Variants in PCDHA8 observed in about 807,000 individuals in gnomAD.
PCDHA8 encodes the protein protocadherin alpha-8.
A neutral mutation model predicts 61.8 loss-of-function variants in PCDHA8; 53 were observed. The ratio of observed to expected loss-of-function variants is 0.86; its 90% CI spans 0.69 to 1.08. The LOEUF (loss-of-function observed/expected upper bound fraction) is 1.08, where lower values mean the gene tolerates loss of function less well. PCDHA8 is among the 50% of genes least tolerant of loss of function. The probability of loss-of-function intolerance (pLI) is 0.00; values close to 1 mark genes in which losing one functional copy is unlikely to be tolerated. For synonymous variants in PCDHA8, 618 were observed against 556.6 expected (o/e 1.11, Z -1.55); for missense variants, 1,293 against 1,245.0 (o/e 1.04, Z -0.58).
chr5:140,850,612 C>T (rs1411031639), intron 1 of PCDHA8: 8 of 1,598,454 alleles, frequency 5.0e-6, no homozygotes, highest in Non-Finnish European at 6.8e-6. Context: ...GCCATCTGCG[C>T]GGTGTCTAGC....
intron 1 of PCDHA8, chr5:140,884,343 C>T (rs368888498): frequency 1.2e-6 from 2 of 1,613,900 alleles, no homozygotes; most frequent in Non-Finnish European, 1.7e-6. Context: ...CCAGAAGCGG[C>T]GCTGGTGGAT....
intron 1 of PCDHA8, chr5:140,929,725 A>G (rs1415397730): frequency 9.2e-6 from 2 of 218,138 alleles, no homozygotes; most frequent in Admixed American, 1.2e-4. Flanking sequence ...TGAAACATTT[A>G]CTTAAACTAT....
At chr5:141,001,333 T>G (rs1554258097) in intron 3 of PCDHA8, among the ~76,000 whole-genome samples, 1 of 152,178 alleles carries the variant, frequency 6.6e-6, no homozygotes, top group African/African-American at 2.4e-5. Context: ...TCACCATAAT[T>G]TACATGATGT....
intron 1 of PCDHA8, chr5:140,877,750 T>C (rs782654875): frequency 6.2e-7 from 1 of 1,614,146 alleles, no homozygotes; most frequent in Non-Finnish European, 8.5e-7. Flanking sequence ...GAGGGTGTGC[T>C]CTGCAGAGAG....
chr5:140,877,144 G>C, intron 1 of PCDHA8: 2 of 1,613,772 alleles, frequency 1.2e-6, no homozygotes, highest in South Asian at 1.1e-5. Context: ...CGTGCTGGAC[G>C]AGAACGACAA....
chr5:140,971,787 A>G (rs1554233619), intron 1 of PCDHA8, among the ~76,000 whole-genome samples: 5 of 152,124 alleles, frequency 3.3e-5, no homozygotes, highest in Admixed American at 1.3e-4. Context: ...AGATTATTCA[A>G]TATATTGAAT....
intron 1 of PCDHA8, among the ~76,000 whole-genome samples, chr5:140,855,207 A>G (rs1554147686): frequency 6.7e-6 from 1 of 149,928 alleles, no homozygotes; most frequent in East Asian, 1.9e-4. Flanking sequence ...AATAGTTTCC[A>G]TTTATGAAGC....
intron 1 of PCDHA8, chr5:140,884,155 C>G: frequency 6.2e-7 from 1 of 1,613,430 alleles, no homozygotes; most frequent in Non-Finnish European, 8.5e-7. Context: ...TGTACACTGG[C>G]GAGATCAGCA....
At chr5:140,876,015 A>G (rs1479938988) in intron 1 of PCDHA8, 3 of 1,613,662 alleles carry the variant, frequency 1.9e-6, no homozygotes, top group Non-Finnish European at 2.5e-6. Flanking sequence ...TTGAGCTTAA[A>G]ATAAAAACAA....
chr5:140,945,998 A>G (rs246057), intron 1 of PCDHA8, among the ~76,000 whole-genome samples: 85,388 of 151,608 alleles, frequency 0.56, 24,621 homozygotes, highest in African/African-American at 0.69. Context: ...GATTGCATCA[A>G]ACTAAAAAGC....
At chr5:141,006,612 AAGG>A (rs2098279964) in intron 3 of PCDHA8, among the ~76,000 whole-genome samples, 1 of 152,204 alleles carries the variant, frequency 6.6e-6, no homozygotes, top group African/African-American at 2.4e-5. Flanking sequence ...CAGACTGAAT[AAGG>A]AGACTATTGC....
chr5:140,915,138 G>A (rs139042327), intron 1 of PCDHA8, among the ~76,000 whole-genome samples: 2,353 of 151,838 alleles, frequency 0.015, 60 homozygotes, highest in African/African-American at 0.053. Context: ...TAGTAGAGAC[G>A]GGGTTTCACC....
Position 140,928,935 on chromosome 5 carries a change from C to G in PCDHA8, c.2395-50014C>G, listed in dbSNP as rs782430427. On this transcript the variant is annotated intron_variant, in intron 1 of 3. Transcript: ENST00000531613. ...CAGGAGGGCAGCTTTCTGCCCAGAA[C>G]TTGTATTTAGTAATTGCCTTGGCTT... The G allele has an allele frequency of 2.5e-6, 4 of 1,613,984 alleles. No individual in the cohort carries two copies. The East Asian group carries it at 8.9e-5, about 36-fold the overall frequency.
At position 140,843,274 on chromosome 5, in the gene PCDHA8, G is replaced by A; in HGVS notation, c.1953G>A (p.Val651=). The A allele has an allele frequency of 3.8e-6, 6 of 1,596,094 alleles. No homozygotes were observed. The highest frequency in any genetic ancestry group is 5.1e-6 in the Non-Finnish European group (6 of 1,165,584). ...CGCGCCACCGTCTGCTGGTCCTGGTGAAGGATCATGGTGAACCTGCGCTGA... is the reference window on the plus strand; with the variant it reads ...CGCGCCACCGTCTGCTGGTCCTGGTAAAGGATCATGGTGAACCTGCGCTGA... ...DSPRHRLLVL[V]KDHGEPALTA... is the part of the protein sequence containing the mutation. The change falls in exon 1 of 4, where the codon GTG becomes GTA. Residue 651 remains valine, a synonymous_variant. Transcript: ENST00000531613.
In PCDHA8 at chr5:140,870,897, G is replaced by A. The variant is rs372076650; in HGVS notation, c.2394+27182G>A. 4 of 1,613,942 alleles carry A rather than the reference G, an allele frequency of 2.5e-6. No individual in the cohort carries two copies. In the African/African-American group the frequency reaches 4.0e-5, roughly 16 times the overall value. Reference sequence around the variant, plus strand: ...TGGCGAAGGTGCGCGCAGTGGATGCGGACTCAGGCTACAACGCGTGGCTTT... The same window carrying A: ...TGGCGAAGGTGCGCGCAGTGGATGCAGACTCAGGCTACAACGCGTGGCTTT... On this transcript the variant is annotated intron_variant, in intron 1 of 3. Coordinates refer to ENST00000531613, the MANE Select transcript of PCDHA8 (RefSeq NM_018911.3).
At chr5:140,906,872 C>T (rs1421521976) in intron 1 of PCDHA8, among the ~76,000 whole-genome samples, 4 of 152,230 alleles carry the variant, frequency 2.6e-5, no homozygotes, top group African/African-American at 9.6e-5. Flanking sequence ...CCAGCCAACA[C>T]TGTAACTTCC....
chr5:140,936,868 A>T (rs543976186), intron 1 of PCDHA8, among the ~76,000 whole-genome samples: 3 of 152,270 alleles, frequency 2.0e-5, no homozygotes, highest in South Asian at 2.1e-4. Flanking sequence ...TTTCTATTTT[A>T]AAAAACCCTG....
chr5:140,856,170 G>T, intron 1 of PCDHA8: 1 of 1,598,322 alleles, frequency 6.3e-7, no homozygotes, highest in Non-Finnish European at 8.6e-7. Context: ...GCCAGACACG[G>T]CACCTTCGTG....
At chr5:140,938,715 C>T (rs138044331) in intron 1 of PCDHA8, among the ~76,000 whole-genome samples, 10 of 152,038 alleles carry the variant, frequency 6.6e-5, no homozygotes, top group African/African-American at 2.4e-4. Flanking sequence ...ATGATAGAAA[C>T]GCGTTTCTAC....
Sources: gnomAD v4.1 joint callset for allele counts (sites outside exome capture counted in the v4.1 genomes callset) on GRCh38, gnomAD v4.1.1 for gene constraint, MANE v1.5 for transcripts, NCBI Gene and HGNC (gene_info 2026-07-23, HGNC 2026-07-21) for gene names.